Variants in CYP2C19 observed in about 807,000 individuals in gnomAD.
CYP2C19 encodes cytochrome P450 2C19.
CYP2C19 carries 59 observed loss-of-function variants against 40.9 expected under a neutral mutation model. That is an observed-to-expected ratio of 1.44 (90% CI 1.17 to 1.79). The LOEUF is 1.79. CYP2C19 is among the 40% of genes most tolerant of loss of function. The pLI is 0.00. For synonymous variants in CYP2C19, 253 were observed against 208.7 expected, an observed-to-expected ratio of 1.21 and a Z score of -1.83; for missense variants, 754 against 596.9, an observed-to-expected ratio of 1.26 and a Z score of -2.74.
At chr10:94,776,938 G>C (rs1422580609) in intron 3 of CYP2C19, among the ~76,000 whole-genome samples, 6 of 152,100 alleles carry the variant, frequency 3.9e-5, no homozygotes, top group Admixed American at 3.9e-4. Flanking sequence ...ATGCTAATAA[G>C]CAAATTCAGC....
At chr10:94,791,135 A>G (rs1848599894) in intron 5 of CYP2C19, among the ~76,000 whole-genome samples, 1 of 151,748 alleles carries the variant, frequency 6.6e-6, no homozygotes. Context: ...TTTCTTTTAG[A>G]TTTTCTAGTT....
intron 1 of CYP2C19, among the ~76,000 whole-genome samples, chr10:94,765,170 A>G (rs1373683886): frequency 1.3e-5 from 2 of 152,132 alleles, no homozygotes; most frequent in Admixed American, 6.6e-5. Context: ...ATAATGAAGT[A>G]GATAAACTGG....
intron 3 of CYP2C19, chr10:94,775,858 G>C (rs1235168678): frequency 4.9e-6 from 2 of 405,036 alleles, no homozygotes; most frequent in Non-Finnish European, 9.0e-6. Context: ...AAAGAGCAGT[G>C]TTTTTCCCAT....
intron 6 of CYP2C19, among the ~76,000 whole-genome samples, chr10:94,828,345 TCCTGTATTGGGTGCATATATATTTAGC>T (rs1283356099): frequency 6.6e-6 from 1 of 151,788 alleles, no homozygotes; most frequent in African/African-American, 2.4e-5. Context: ...ATCTTGGTGC[TCCTGTATTGGGTGCATATATATTTAGC>T]ATAGTTAGCT....
At chr10:94,848,509 T>C (rs376832374) in intron 7 of CYP2C19, among the ~76,000 whole-genome samples, 14 of 152,114 alleles carry the variant, frequency 9.2e-5, no homozygotes, top group African/African-American at 2.7e-4. Flanking sequence ...AGTCAGGTAG[T>C]GTGATGCCTC....
In CYP2C19 at chr10:94,773,071, G is replaced by A. The variant is rs138202500; in HGVS notation, c.169-1987G>A. ...GCTGGGATTACAGGCGTGAGCCACC[G>A]CACCCGGCCATTGGTCACTTTTAAC... On this transcript the variant is annotated intron_variant, in intron 1 of 8. Transcript: ENST00000371321. Among the ~76,000 whole-genome samples the A allele has an allele frequency of 2.6e-3, 397 of 152,266 alleles. 13 individuals carry two copies. The East Asian group carries it at 0.061, about 23-fold the overall frequency.
intron 6 of CYP2C19, among the ~76,000 whole-genome samples, chr10:94,830,503 C>T (rs373301378): frequency 6.6e-6 from 1 of 152,190 alleles, no homozygotes. Context: ...AATGCCTCGC[C>T]CTGCTTCGGC....
rs557941248 is a variant in CYP2C19, at chr10:94,835,897, A to T, written c.962-6940A>T. Among the ~76,000 whole-genome samples, 5 of 152,304 alleles carry T rather than the reference A, an allele frequency of 3.3e-5. No individual in the cohort carries two copies. The South Asian group carries it at 8.3e-4, about 25-fold the overall frequency. ...TTCAAGTATTCCATTATCACTGACC[A>T]CTGTGTACCTCGCTTTTTGAAGTCC... On this transcript the variant is annotated intron_variant, in intron 6 of 8. Coordinates refer to ENST00000371321, the MANE Select transcript of CYP2C19 (RefSeq NM_000769.4).
At position 94,843,033 on chromosome 10, in the gene CYP2C19, GT is replaced by G; in HGVS notation, c.1149+12del. The G allele has an allele frequency of 1.2e-6, 2 of 1,613,934 alleles. No homozygotes were observed. Among genetic ancestry groups the G allele is most frequent in the Non-Finnish European group, 1.7e-6 (2 of 1,179,814 alleles). On this transcript the variant is annotated intron_variant, in intron 7 of 8. Coordinates refer to ENST00000371321, the MANE Select transcript of CYP2C19 (RefSeq NM_000769.4). ...ACTACCTCATTCCCAAGGTAAGTTTGTTTCTCCTACACTGCAACTCCATGTT... is the reference window on the plus strand; with the variant it reads ...ACTACCTCATTCCCAAGGTAAGTTTGTTCTCCTACACTGCAACTCCATGTT...
At chr10:94,783,390 T>G (rs1175273250) in intron 5 of CYP2C19, among the ~76,000 whole-genome samples, 1 of 151,910 alleles carries the variant, frequency 6.6e-6, no homozygotes, top group African/African-American at 2.4e-5. Flanking sequence ...GGTGTAGAGG[T>G]GTGTGATGGA....
intron 6 of CYP2C19, among the ~76,000 whole-genome samples, chr10:94,830,236 G>A (rs541888559): frequency 8.1e-4 from 123 of 152,344 alleles, no homozygotes; most frequent in African/African-American, 2.7e-3. Context: ...GGGCAATGGC[G>A]GGCGCCCCTC....
chr10:94,780,538 C>A lies in CYP2C19; in HGVS notation c.521C>A (p.Pro174His), dbSNP rs753980288. The change falls in exon 4 of 9, where the codon CCC becomes CAC. Residue 174 changes from proline to histidine, a missense_variant. Coordinates refer to ENST00000371321, the MANE Select transcript of CYP2C19 (RefSeq NM_000769.4). Reference protein sequence around the residue: ...CDPTFILGCAPCNVICSIIFQ... With the variant: ...CDPTFILGCAHCNVICSIIFQ... Reference sequence around the variant, plus strand: ...CCCACTTTCATCCTGGGCTGTGCTCCCTGCAATGTGATCTGCTCCATTATT... The same window carrying A: ...CCCACTTTCATCCTGGGCTGTGCTCACTGCAATGTGATCTGCTCCATTATT... 1 of 1,613,800 alleles carries A rather than the reference C, an allele frequency of 6.2e-7. No individual in the cohort carries two copies. The highest frequency in any genetic ancestry group is 1.7e-5 in the Admixed American group (1 of 60,002).
At chr10:94,830,263 AC>A (rs781020167) in intron 6 of CYP2C19, among the ~76,000 whole-genome samples, 1 of 152,122 alleles carries the variant, frequency 6.6e-6, no homozygotes, top group African/African-American at 2.4e-5. Context: ...CCTTGCTGCC[AC>A]CTTGCAGTTT....
intron 6 of CYP2C19, among the ~76,000 whole-genome samples, chr10:94,822,227 G>A (rs1267326736): frequency 6.6e-6 from 1 of 152,064 alleles, no homozygotes; most frequent in Non-Finnish European, 1.5e-5. Flanking sequence ...AAAGGAAAGA[G>A]GTTTAATGGA....
intron 6 of CYP2C19, among the ~76,000 whole-genome samples, chr10:94,835,450 C>T (rs1437115572): frequency 1.3e-5 from 2 of 152,216 alleles, no homozygotes; most frequent in Non-Finnish European, 2.9e-5. Flanking sequence ...ATTTCTCCTG[C>T]TGAGTATTGG....
At position 94,820,657 on chromosome 10, in the gene CYP2C19, GTTAA is replaced by G. The variant is rs1174624263; in HGVS notation, c.961+23_961+26del. The G allele has an allele frequency of 6.2e-7, 1 of 1,613,964 alleles. No homozygotes were observed. Among genetic ancestry groups the G allele is most frequent in the African/African-American group, 1.3e-5 (1 of 74,934 alleles). On this transcript the variant is annotated intron_variant, in intron 6 of 8. Coordinates refer to ENST00000371321, the MANE Select transcript of CYP2C19 (RefSeq NM_000769.4). ...TCACAGGTATGATCACAGAGGATGA[GTTAA>G]TTGAGTTTTAGGAAAGATGTTGGGA...
At chr10:94,811,990 T>C (rs1848932956) in intron 5 of CYP2C19, among the ~76,000 whole-genome samples, 1 of 152,174 alleles carries the variant, frequency 6.6e-6, no homozygotes. Context: ...CAAAATTTAG[T>C]ATGTTTTTGC....
intron 1 of CYP2C19, among the ~76,000 whole-genome samples, chr10:94,770,089 A>G (rs1848306370): frequency 6.6e-6 from 1 of 152,140 alleles, no homozygotes; most frequent in African/African-American, 2.4e-5. Context: ...ATTAACACTG[A>G]GAAGGCCACA....
At chr10:94,834,942 A>C (rs566195796) in intron 6 of CYP2C19, among the ~76,000 whole-genome samples, 3 of 152,154 alleles carry the variant, frequency 2.0e-5, no homozygotes, top group Non-Finnish European at 4.4e-5. Context: ...AGGTTGGCCG[A>C]CGACTGCTCT....
Sources: gnomAD v4.1 joint callset for allele counts (sites outside exome capture counted in the v4.1 genomes callset) on GRCh38, gnomAD v4.1.1 for gene constraint, MANE v1.5 for transcripts, NCBI Gene and HGNC (gene_info 2026-07-23, HGNC 2026-07-21) for gene names.